MTMR2: variants seen among roughly 807,000 people sequenced by gnomAD.
MTMR2 encodes the protein myotubularin related protein 2.
Under a neutral mutation model 86.9 loss-of-function variants are expected in MTMR2, and 55 were observed. That is an observed-to-expected ratio of 0.63 (90% CI 0.51 to 0.79). The LOEUF is 0.79. Ranked by LOEUF, MTMR2 falls within the 30% of genes least tolerant of loss-of-function variation. The pLI, the probability that MTMR2 is intolerant of heterozygous loss-of-function variation, is 0.00. For synonymous variants in MTMR2, 241 were observed against 266.8 expected, an observed-to-expected ratio of 0.90 and a Z score of 0.94; for missense variants, 659 against 772.3, an observed-to-expected ratio of 0.85 and a Z score of 1.74.
intron 1 of MTMR2, among the ~76,000 whole-genome samples, chr11:95,905,769 T>C (rs867587498): frequency 6.6e-6 from 1 of 152,092 alleles, no homozygotes; most frequent in Non-Finnish European, 1.5e-5. Context: ...ATTTACAACA[T>C]ATCCACTATA....
intron 2 of MTMR2, among the ~76,000 whole-genome samples, chr11:95,878,069 A>C (rs1264902984): frequency 6.6e-6 from 1 of 151,380 alleles, no homozygotes; most frequent in Non-Finnish European, 1.5e-5. Flanking sequence ...AGAATGGATA[A>C]ATGAATTGTG....
chr11:95,843,897 TA>T (rs1296036760), intron 11 of MTMR2, among the ~76,000 whole-genome samples: 1 of 152,010 alleles, frequency 6.6e-6, no homozygotes, highest in Non-Finnish European at 1.5e-5. Flanking sequence ...TTTGGGGAGT[TA>T]GGAAAAAAAA....
intron 2 of MTMR2, among the ~76,000 whole-genome samples, chr11:95,869,655 G>T (rs543400735): frequency 6.6e-6 from 1 of 152,230 alleles, no homozygotes; most frequent in East Asian, 1.9e-4. Context: ...GAAGACAGCT[G>T]CAATATTCCA....
chr11:95,861,769 C>A (rs987052750), intron 5 of MTMR2, among the ~76,000 whole-genome samples: 2 of 152,034 alleles, frequency 1.3e-5, no homozygotes, highest in African/African-American at 2.4e-5. Context: ...GTGAATATAT[C>A]AAAATATGTA....
At chr11:95,876,367 G>A (rs1195809128) in intron 2 of MTMR2, among the ~76,000 whole-genome samples, 1 of 152,172 alleles carries the variant, frequency 6.6e-6, no homozygotes, top group Non-Finnish European at 1.5e-5. Context: ...TGGAGAATAA[G>A]TTACATAACC....
intron 1 of MTMR2, among the ~76,000 whole-genome samples, chr11:95,896,334 G>A (rs372546034): frequency 1.5e-5 from 2 of 135,538 alleles, no homozygotes; most frequent in South Asian, 2.3e-4. Context: ...TTTTTTTTTT[G>A]AGGCAGGGTC....
chr11:95,912,792 A>G (rs1866558487), intron 1 of MTMR2: 1 of 152,058 alleles, frequency 6.6e-6, no homozygotes, highest in Admixed American at 6.6e-5. Context: ...TATATAAAGC[A>G]TCAGATTCTG....
chr11:95,878,089 A>G (rs113617873), intron 2 of MTMR2, among the ~76,000 whole-genome samples: 4,624 of 151,060 alleles, frequency 0.031, 128 homozygotes, highest in South Asian at 0.071. Flanking sequence ...GGTACGTCAT[A>G]CAAAGGAATA....
At chr11:95,920,436 T>A (rs1866874786) in intron 1 of MTMR2, among the ~76,000 whole-genome samples, 1 of 151,796 alleles carries the variant, frequency 6.6e-6, no homozygotes, top group Non-Finnish European at 1.5e-5. Context: ...GCCTCCCAAG[T>A]AGTTAGGGTT....
At chr11:95,862,222 GCTA>G (rs200895250) in intron 4 of MTMR2, 47 bp downstream of exon 4, 1 of 1,552,452 alleles carries the variant, frequency 6.4e-7, no homozygotes. Flanking sequence ...AACAAAACTA[GCTA>G]CAAACAACAC....
At chr11:95,884,632 T>C (rs917237911) in intron 2 of MTMR2, among the ~76,000 whole-genome samples, 1 of 152,178 alleles carries the variant, frequency 6.6e-6, no homozygotes, top group Admixed American at 6.5e-5. Flanking sequence ...TGTACGAATA[T>C]CTATCATAAT....
At chr11:95,912,254 C>G (rs1186841382) in intron 1 of MTMR2, among the ~76,000 whole-genome samples, 3 of 151,958 alleles carry the variant, frequency 2.0e-5, no homozygotes, top group African/African-American at 4.8e-5. Context: ...TTTGAATACT[C>G]TTCCCTATTT....
chr11:95,873,622 C>T (rs1207008021), intron 2 of MTMR2, among the ~76,000 whole-genome samples: 4 of 144,042 alleles, frequency 2.8e-5, no homozygotes, highest in African/African-American at 8.2e-5. Context: ...ATCTTAGTTA[C>T]TTCTTGCCTT....
intron 2 of MTMR2, among the ~76,000 whole-genome samples, chr11:95,879,404 A>G (rs1008454563): frequency 6.6e-6 from 1 of 152,150 alleles, no homozygotes; most frequent in African/African-American, 2.4e-5. Context: ...TCTTCCCATA[A>G]TCTGCAATGT....
chr11:95,869,152 ATAT>A (rs1438696266), intron 2 of MTMR2, among the ~76,000 whole-genome samples: 1 of 151,896 alleles, frequency 6.6e-6, no homozygotes, highest in African/African-American at 2.4e-5. Flanking sequence ...TATTAACATG[ATAT>A]TAATACCCAC....
In MTMR2 at chr11:95,909,884, G is replaced by C. The variant is rs1433077873; in HGVS notation, c.80+13991C>G. Among the ~76,000 whole-genome samples, 4 of 152,136 alleles carry C rather than the reference G, an allele frequency of 2.6e-5. No individual in the cohort carries two copies. The East Asian group carries it at 7.7e-4, about 29-fold the overall frequency. On this transcript the variant is annotated intron_variant, in intron 1 of 14. Coordinates refer to ENST00000346299, the MANE Select transcript of MTMR2 (RefSeq NM_016156.6). ...TTGTGGAAATACAAGAAGAGAATAG[G>C]AAGTCTACTTTTAAGAAGGCATCCA...
At chr11:95,904,223 C>G (rs1175322939) in intron 1 of MTMR2, among the ~76,000 whole-genome samples, 1 of 152,208 alleles carries the variant, frequency 6.6e-6, no homozygotes, top group Non-Finnish European at 1.5e-5. Flanking sequence ...ATTCTCTCCT[C>G]CAGTTACTGC....
At chr11:95,845,188 T>G in intron 10 of MTMR2, 29 bp from the exon 11 acceptor site, 1 of 1,587,244 alleles carries the variant, frequency 6.3e-7, no homozygotes, top group Non-Finnish European at 8.6e-7. Flanking sequence ...AATACATTGT[T>G]TTTAAACAAG....
chr11:95,919,321 C>T (rs1866825561), intron 1 of MTMR2, among the ~76,000 whole-genome samples: 1 of 152,076 alleles, frequency 6.6e-6, no homozygotes, highest in Non-Finnish European at 1.5e-5. Context: ...GGCAGGCATG[C>T]AATTTATAAA....
Sources: gnomAD v4.1 joint callset for allele counts (sites outside exome capture counted in the v4.1 genomes callset) on GRCh38, gnomAD v4.1.1 for gene constraint, MANE v1.5 for transcripts, NCBI Gene and HGNC (gene_info 2026-07-23, HGNC 2026-07-21) for gene names.